Variants in AMMECR1 observed in about 807,000 individuals in gnomAD.
The protein encoded by AMMECR1 is AMMECR nuclear protein 1.
In AMMECR1, 3 loss-of-function variants were observed where a neutral mutation model predicts 22.5. The ratio of observed to expected loss-of-function variants is 0.13; its 90% CI spans 0.06 to 0.35. The LOEUF is 0.35. Among genes scored for constraint, AMMECR1 ranks in the 10% least tolerant of loss-of-function variants. The probability of loss-of-function intolerance (pLI) is 1.00; values close to 1 mark genes in which losing one functional copy is unlikely to be tolerated. For missense variants in AMMECR1, 235 were observed against 278.7 expected, an observed-to-expected ratio of 0.84 and a Z score of 1.12; for synonymous variants, 130 against 116.7, an observed-to-expected ratio of 1.11 and a Z score of -0.74.
intron 2 of AMMECR1, among the ~76,000 whole-genome samples, chrX:110,385,492 C>T (rs1251049812): frequency 1.8e-5 from 2 of 111,432 alleles, no homozygotes; most frequent in East Asian, 5.6e-4. Flanking sequence ...CTCATACCCA[C>T]TGGTAGCCGT....
chrX:110,356,916 C>G (rs1222047411), intron 2 of AMMECR1, among the ~76,000 whole-genome samples: 1 of 111,507 alleles, frequency 9.0e-6, no homozygotes, highest in Admixed American at 9.5e-5. Flanking sequence ...GTGTACCTAA[C>G]TACTACATTA....
At chrX:110,286,793 A>T (rs1004660342) in intron 1 of AMMECR1, among the ~76,000 whole-genome samples, 7 of 110,963 alleles carry the variant, frequency 6.3e-5, no homozygotes, top group Non-Finnish European at 1.3e-4. Flanking sequence ...GACCTTAGTT[A>T]AAAAAAATCA....
chrX:110,341,286 G>C lies in AMMECR1; in HGVS notation c.-147-23437C>G, dbSNP rs1392772885. Among the ~76,000 whole-genome samples, 5 of 111,914 alleles carry C rather than the reference G, an allele frequency of 4.5e-5. No homozygotes were observed. In the Admixed American group the frequency reaches 4.7e-4, roughly 11 times the overall value. ...TCAAAATAATTCCAGAATACTCATA[G>C]GCCTTATAAAAATATTTGACAGCAT... is the stretch of plus-strand genomic sequence containing the variant. On this transcript the variant is annotated intron_variant, in intron 2 of 7. Coordinates refer to the AMMECR1 transcript ENST00000372057.
At chrX:110,324,653 T>G (rs1203171040) in intron 2 of AMMECR1, among the ~76,000 whole-genome samples, 2 of 109,817 alleles carry the variant, frequency 1.8e-5, no homozygotes, top group Non-Finnish European at 3.8e-5. Flanking sequence ...TGAGTGTTTT[T>G]TTTTTTTTTT....
chrX:110,409,522 G>A (rs1319418275), intron 2 of AMMECR1, among the ~76,000 whole-genome samples: 1 of 111,734 alleles, frequency 8.9e-6, no homozygotes, highest in Non-Finnish European at 1.9e-5. Flanking sequence ...GGATACCAGG[G>A]AAAATGAGGC....
chrX:110,298,551 G>A (rs181363346), intron 1 of AMMECR1, among the ~76,000 whole-genome samples: 19 of 111,065 alleles, frequency 1.7e-4, no homozygotes, highest in Non-Finnish European at 3.0e-4. Flanking sequence ...TAAGCGAAAA[G>A]AAAGAACACA....
At chrX:110,389,267 A>G (rs746833186) in intron 2 of AMMECR1, among the ~76,000 whole-genome samples, 1 of 112,776 alleles carries the variant, frequency 8.9e-6, no homozygotes, top group African/African-American at 3.2e-5. Context: ...TTGACCAAAG[A>G]TCCTTCGTTA....
chrX:110,335,925 A>G (rs1008680136), intron 2 of AMMECR1, among the ~76,000 whole-genome samples: 4 of 111,971 alleles, frequency 3.6e-5, no homozygotes, highest in African/African-American at 1.3e-4. Context: ...ACTGAGTGCT[A>G]TAAGAAAAGT....
chrX:110,205,362 A>G (rs746187573), intron 3 of AMMECR1, among the ~76,000 whole-genome samples: 6 of 112,043 alleles, frequency 5.4e-5, no homozygotes, highest in African/African-American at 1.9e-4. Context: ...TGTCACAGCT[A>G]CAACTCCAAA....
chrX:110,417,224 C>T (rs1003108287), intron 2 of AMMECR1, among the ~76,000 whole-genome samples: 7 of 112,108 alleles, frequency 6.2e-5, no homozygotes, highest in African/African-American at 1.3e-4. Flanking sequence ...TAGACAATGG[C>T]GGCTGCTCAG....
chrX:110,332,489 CCATGCCTCAAATTA>C (rs1161126716), intron 2 of AMMECR1, among the ~76,000 whole-genome samples: 6 of 111,871 alleles, frequency 5.4e-5, no homozygotes, highest in African/African-American at 1.9e-4. Flanking sequence ...CTTACTGGTG[CCATGCCTCAAATTA>C]AAAACTCCCG....
At position 110,196,957 on chromosome X, in the gene AMMECR1, T is replaced by G. The variant is rs1422857662; in HGVS notation, c.*1563A>C. On this transcript the variant is annotated 3_prime_UTR_variant, in exon 6 of 6. Transcript: ENST00000262844. The stretch of plus-strand genomic sequence containing the variant: ...CTGCAGCATACTTTAATTCATCACT[T>G]GATATGTTGGCTTCCTATTTGAAAA... 8.9e-6 allele frequency: 1 copy of G among 112,479 alleles called. No homozygotes were observed. The highest frequency in any genetic ancestry group is 1.9e-5 in the Non-Finnish European group (1 of 53,232). The allele number at this position is 112,479 out of a possible 1,213,427, so 9.3% of individuals were successfully genotyped here. A position where few individuals can be genotyped will look rare whatever the true frequency, so the allele number is the denominator to read the frequency against.
intron 2 of AMMECR1, among the ~76,000 whole-genome samples, chrX:110,331,318 G>T (rs2068119961): frequency 9.3e-6 from 1 of 107,086 alleles, no homozygotes; most frequent in Non-Finnish European, 1.9e-5. Context: ...CAAGCTGCAG[G>T]CTGAGTTTTC....
At chrX:110,291,487 T>C (rs778878255) in intron 1 of AMMECR1, among the ~76,000 whole-genome samples, 82 of 111,265 alleles carry the variant, frequency 7.4e-4, no homozygotes, top group Middle Eastern at 4.6e-3. Flanking sequence ...GATCGTGCCA[T>C]TGCACTCCAG....
chrX:110,265,483 T>C (rs1602842162), intron 1 of AMMECR1, among the ~76,000 whole-genome samples: 1 of 112,006 alleles, frequency 8.9e-6, no homozygotes, highest in African/African-American at 3.2e-5. Context: ...ATAACGTGGT[T>C]TTAGATGAAG....
intron 2 of AMMECR1, among the ~76,000 whole-genome samples, chrX:110,420,760 G>T (rs2068711569): frequency 9.0e-6 from 1 of 111,473 alleles, no homozygotes; most frequent in Non-Finnish European, 1.9e-5. Flanking sequence ...TTCCCAACTG[G>T]CCTCCGTCGT....
chrX:110,209,708 C>G (rs1433624346), intron 3 of AMMECR1, among the ~76,000 whole-genome samples: 5 of 110,928 alleles, frequency 4.5e-5, no homozygotes, highest in African/African-American at 1.6e-4. Context: ...GAATCATATT[C>G]TGTCAGAGTC....
chrX:110,241,462 G>A (rs1294692839), intron 2 of AMMECR1, among the ~76,000 whole-genome samples: 1 of 111,785 alleles, frequency 8.9e-6, no homozygotes, highest in Non-Finnish European at 1.9e-5. Flanking sequence ...ACACCTCTAC[G>A]CACGTAAACT....
Position 110,301,579 on chromosome X carries a change from G to A in AMMECR1, c.473+16020C>T, listed in dbSNP as rs774192922. On this transcript the variant is annotated intron_variant, in intron 1 of 5. Transcript: ENST00000262844. Reference sequence around the variant, plus strand: ...TAAGATATTTGAGGAGCTTGCAGGGGGTCTTAATCTAGAGTCCATTAGGAG... The same window carrying A: ...TAAGATATTTGAGGAGCTTGCAGGGAGTCTTAATCTAGAGTCCATTAGGAG... Among the ~76,000 whole-genome samples, 3 of 111,681 alleles carry A rather than the reference G, an allele frequency of 2.7e-5. No individual in the cohort carries two copies. The East Asian group carries it at 8.4e-4, about 31-fold the overall frequency.
Sources: gnomAD v4.1 joint callset for allele counts (sites outside exome capture counted in the v4.1 genomes callset) on GRCh38, gnomAD v4.1.1 for gene constraint, MANE v1.5 for transcripts, NCBI Gene and HGNC (gene_info 2026-07-23, HGNC 2026-07-21) for gene names.